Variants in HADHB observed in about 807,000 individuals in gnomAD.
HADHB encodes trifunctional enzyme subunit beta, mitochondrial.
HADHB carries 50 observed loss-of-function variants against 61.9 expected under a neutral mutation model. The ratio of observed to expected loss-of-function variants is 0.81; its 90% CI spans 0.64 to 1.02. HADHB has a LOEUF of 1.02. Among genes scored for constraint, HADHB ranks in the 50% least tolerant of loss-of-function variants. The probability of loss-of-function intolerance (pLI) is 0.00; values close to 1 mark genes in which losing one functional copy is unlikely to be tolerated. For missense variants in HADHB, 504 were observed against 586.5 expected (o/e 0.86, Z 1.45); for synonymous variants, 191 against 201.6 (o/e 0.95, Z 0.45).
At chr2:26,258,227 G>T (rs2147804790) in intron 3 of HADHB, among the ~76,000 whole-genome samples, 1 of 152,274 alleles carries the variant, frequency 6.6e-6, no homozygotes, top group Non-Finnish European at 1.5e-5. Context: ...ATTGTTACGG[G>T]TGGGCCTTTG....
Position 26,246,366 on chromosome 2 carries a change from C to T in HADHB, c.-9+1376C>T, listed in dbSNP as rs188683987. On this transcript the variant is annotated intron_variant, in intron 1 of 15. Coordinates refer to ENST00000317799, the MANE Select transcript of HADHB (RefSeq NM_000183.3). ...TTACAACTTTTTTTTTTTTTTGAGA[C>T]AGTTTTGCTCTTGTTGTCCAGGCTG... 2.9e-3 allele frequency among the ~76,000 whole-genome samples: 409 copies of T among 143,496 alleles called. 2 individuals are homozygous for T. Among genetic ancestry groups the T allele is most frequent in the Admixed American group, 4.7e-3 (67 of 14,300 alleles). 94.1% of individuals were successfully genotyped at this position (143,496 alleles called of 152,430 possible).
At chr2:26,255,173 A>G (rs1457342063) in intron 3 of HADHB, among the ~76,000 whole-genome samples, 1 of 152,088 alleles carries the variant, frequency 6.6e-6, no homozygotes, top group Non-Finnish European at 1.5e-5. Context: ...TTTTGGTTTT[A>G]TTATGGTATT....
Position 26,268,205 on chromosome 2 carries a change from C to T in HADHB, c.210-1748C>T, listed in dbSNP as rs147193170. On this transcript the variant is annotated intron_variant, in intron 4 of 15. Coordinates refer to ENST00000317799, the MANE Select transcript of HADHB (RefSeq NM_000183.3). ...TTAGAATACCACATAATACTTGCTG[C>T]GAGATCTACAAATGAATGCTAAAAT... 3.8e-3 allele frequency among the ~76,000 whole-genome samples: 578 copies of T among 150,886 alleles called. 2 individuals carry two copies. The highest frequency in any genetic ancestry group is 0.012 in the African/African-American group (505 of 41,032).
At chr2:26,288,000 C>T (rs998507548) in intron 15 of HADHB, among the ~76,000 whole-genome samples, 4 of 152,128 alleles carry the variant, frequency 2.6e-5, no homozygotes, top group African/African-American at 9.7e-5. Flanking sequence ...GGTGCGGTAG[C>T]TTATGCCTGT....
intron 6 of HADHB, among the ~76,000 whole-genome samples, chr2:26,274,528 G>C (rs943770696): frequency 2.0e-5 from 3 of 152,184 alleles, no homozygotes; most frequent in Non-Finnish European, 4.4e-5. Flanking sequence ...TTCCACCTCT[G>C]TACCTGGCAG....
At chr2:26,258,406 A>G (rs1468042258) in intron 3 of HADHB, among the ~76,000 whole-genome samples, 1 of 152,182 alleles carries the variant, frequency 6.6e-6, no homozygotes, top group African/African-American at 2.4e-5. Context: ...GAATCGTGGA[A>G]CCCAGCGACT....
Position 26,269,953 on chromosome 2 carries a change from A to T in HADHB, c.210A>T (p.Ser70=). The change falls in exon 5 of 16, where the codon TCA becomes TCT. Residue 70 remains serine (S), a splice_region_variant and synonymous_variant. Transcript: ENST00000317799. ...VRTPFLLSGT[S]YKDLMPHDLA... is the part of the protein sequence containing the mutation. ...TAAATTACTGGTTTTCGTTCCCCAG[A>T]TATAAAGACCTGATGCCACATGATT... The T allele has an allele frequency of 6.2e-7, 1 of 1,604,196 alleles. No homozygotes were observed. The highest frequency in any genetic ancestry group is 8.5e-7 in the Non-Finnish European group (1 of 1,170,982).
intron 1 of HADHB, among the ~76,000 whole-genome samples, chr2:26,253,471 G>A (rs1304853668): frequency 6.6e-6 from 1 of 152,106 alleles, no homozygotes; most frequent in Non-Finnish European, 1.5e-5. Context: ...AATACTAATG[G>A]TTTTATTATC....
intron 12 of HADHB, among the ~76,000 whole-genome samples, chr2:26,283,697 AC>A (rs1672897251): frequency 6.6e-6 from 1 of 152,048 alleles, no homozygotes; most frequent in Admixed American, 6.6e-5. Flanking sequence ...ATGGCTACAC[AC>A]CCTGCTACAC....
intron 10 of HADHB, among the ~76,000 whole-genome samples, chr2:26,281,840 A>G (rs1672803466): frequency 6.6e-6 from 1 of 152,246 alleles, no homozygotes; most frequent in South Asian, 2.1e-4. Context: ...AGAATGTGGT[A>G]GAACTTATTT....
At chr2:26,273,490 T>C (rs1672427818) in intron 5 of HADHB, among the ~76,000 whole-genome samples, 161 bp from the exon 6 acceptor site, 1 of 152,222 alleles carries the variant, frequency 6.6e-6, no homozygotes, top group Non-Finnish European at 1.5e-5. Flanking sequence ...ATTTCTTCTT[T>C]GAGAAGGTGC....
rs569303868 is a variant in HADHB, at chr2:26,245,165, A to G, written c.-9+175A>G. 9 of 198,436 alleles carry G rather than the reference A, an allele frequency of 4.5e-5. No homozygotes were observed. The East Asian group carries it at 1.0e-3, about 23-fold the overall frequency. The allele number at this position is 198,436 out of a possible 1,614,324, so 12.3% of individuals were successfully genotyped here. A position where few individuals can be genotyped will look rare whatever the true frequency, so the allele number is the denominator to read the frequency against. ...GTCGGCAGTGCTAGCTGCAGTTAGG[A>G]CAGTGACTTGGACTAGCGTTCCAGC... On this transcript the variant is annotated intron_variant, in intron 1 of 15. Coordinates refer to ENST00000317799, the MANE Select transcript of HADHB (RefSeq NM_000183.3).
chr2:26,252,987 A>G (rs1053945572), intron 1 of HADHB, among the ~76,000 whole-genome samples: 5 of 152,232 alleles, frequency 3.3e-5, no homozygotes, highest in African/African-American at 7.2e-5. Flanking sequence ...CAAACCTTTG[A>G]ATCTTTGCTA....
chr2:26,276,452 T>C (rs943415708), intron 6 of HADHB, among the ~76,000 whole-genome samples: 9 of 152,238 alleles, frequency 5.9e-5, no homozygotes, highest in South Asian at 4.1e-4. Flanking sequence ...CATCTTTGCA[T>C]TGGGTCTGCA....
At chr2:26,247,147 C>T (rs145700735) in intron 1 of HADHB, among the ~76,000 whole-genome samples, 49 of 152,300 alleles carry the variant, frequency 3.2e-4, no homozygotes, top group African/African-American at 1.1e-3. Flanking sequence ...CTAGACTCTT[C>T]TTCCTTTCCC....
chr2:26,277,510 C>T (rs1558355946), intron 7 of HADHB, among the ~76,000 whole-genome samples: 1 of 152,160 alleles, frequency 6.6e-6, no homozygotes, highest in Non-Finnish European at 1.5e-5. Flanking sequence ...GCTGGGATTA[C>T]AGGCGTGAGC....
At chr2:26,273,785 G>A (rs1216988590) in intron 6 of HADHB, 35 bp downstream of exon 6, 1 of 1,032,998 alleles carries the variant, frequency 9.7e-7, no homozygotes, top group South Asian at 1.3e-5. Context: ...TTTAAAGAGT[G>A]ATAGGAGAAT....
At chr2:26,274,035 A>G (rs1672449227) in intron 6 of HADHB, among the ~76,000 whole-genome samples, 1 of 152,250 alleles carries the variant, frequency 6.6e-6, no homozygotes, top group African/African-American at 2.4e-5. Flanking sequence ...AATAGAGATC[A>G]GCAAAGTGTG....
At chr2:26,276,148 A>G (rs1200619899) in intron 6 of HADHB, among the ~76,000 whole-genome samples, 2 of 152,332 alleles carry the variant, frequency 1.3e-5, no homozygotes, top group East Asian at 3.9e-4. Context: ...TTTTGACAGC[A>G]TAATTTCCCC....
Sources: gnomAD v4.1 joint callset for allele counts (sites outside exome capture counted in the v4.1 genomes callset) on GRCh38, gnomAD v4.1.1 for gene constraint, MANE v1.5 for transcripts, NCBI Gene and HGNC (gene_info 2026-07-23, HGNC 2026-07-21) for gene names.